B3GALT6: variants seen among roughly 807,000 people sequenced by gnomAD.
B3GALT6 encodes beta-1,3-galactosyltransferase 6.
Under a neutral mutation model 23.3 loss-of-function variants are expected in B3GALT6, and 27 were observed. That is an observed-to-expected ratio of 1.16 (90% CI 0.85 to 1.60). The LOEUF (loss-of-function observed/expected upper bound fraction) is 1.60. Ranked by LOEUF, B3GALT6 falls within the 40% of genes most tolerant of loss-of-function variation. The pLI, the probability that B3GALT6 is intolerant of heterozygous loss-of-function variation, is 0.00. For missense variants in B3GALT6, 554 were observed against 471.1 expected (o/e 1.18, Z -1.63); for synonymous variants, 313 against 232.3 (o/e 1.35, Z -3.16).
rs1240907076 is a variant in B3GALT6, at chr1:1,232,242, C to T, written c.-37C>T. On this transcript the variant is annotated 5_prime_UTR_variant, in exon 1 of 1. Transcript: ENST00000379198. ...CGAGCCGGCGGCGCCTGCGCACTCGCGAGTCCGGCCTGGGCCGCCGGCCCG... is the reference window on the plus strand; with the variant it reads ...CGAGCCGGCGGCGCCTGCGCACTCGTGAGTCCGGCCTGGGCCGCCGGCCCG... 3.2e-5 allele frequency: 31 copies of T among 980,616 alleles called. No homozygotes were observed. Among genetic ancestry groups the T allele is most frequent in the Non-Finnish European group, 3.6e-5 (30 of 828,126 alleles). The allele number at this position is 980,616 out of a possible 1,614,324, so 60.7% of individuals were successfully genotyped here. A position where few individuals can be genotyped will look rare whatever the true frequency, so the allele number is the denominator to read the frequency against.
chr1:1,232,581 G>A lies in B3GALT6; in HGVS notation c.303G>A (p.Leu101=). Reference sequence around the variant, plus strand: ...GCTTTGCCGTGGGCACGGCCGGCCTGGGCGCCGAGGAGCGGCGCGCCCTGG... The same window carrying A: ...GCTTTGCCGTGGGCACGGCCGGCCTAGGCGCCGAGGAGCGGCGCGCCCTGG... ...WARFAVGTAG[L]GAEERRALER... is the part of the protein sequence containing the mutation. Residue 101 remains leucine, a synonymous_variant, in exon 1 of 1, where the codon CTG becomes CTA. Transcript: ENST00000379198. 8.4e-7 allele frequency: 1 copy of A among 1,191,954 alleles called. No homozygotes were observed. Among genetic ancestry groups the A allele is most frequent in the Non-Finnish European group, 1.0e-6 (1 of 962,430 alleles). The allele number at this position is 1,191,954 out of a possible 1,614,324, so 73.8% of individuals were successfully genotyped here.
rs1570498417 is a variant in B3GALT6, at chr1:1,232,662, C to G, written c.384C>G (p.Ala128=). The G allele has an allele frequency of 1.5e-6, 2 of 1,329,974 alleles. No individual in the cohort carries two copies. The highest frequency in any genetic ancestry group is 1.9e-6 in the Non-Finnish European group (2 of 1,035,636). The allele number at this position is 1,329,974 out of a possible 1,614,324, so 82.4% of individuals were successfully genotyped here. A position where few individuals can be genotyped will look rare whatever the true frequency, so the allele number is the denominator to read the frequency against. The change falls in exon 1 of 1, where the codon GCC becomes GCG. Residue 128 remains alanine (A), a synonymous_variant. Coordinates refer to ENST00000379198, the MANE Select transcript of B3GALT6 (RefSeq NM_080605.4). ...TGCTGCTGCCCGCGCTGCGCGACGC[C>G]TACGAAAACCTCACGGCCAAGGTGC... ...DLLLLPALRD[A]YENLTAKVLA...
Position 1,232,974 on chromosome 1 carries a change from C to T in B3GALT6, c.696C>T (p.Arg232=). ...ADLVHYLRLS[R]DYLRAWHSED... ...TGGTGCACTACCTGCGCCTCAGCCG[C>T]GACTACCTGCGCGCCTGGCACAGCG... Residue 232 remains arginine, a synonymous_variant, in exon 1 of 1, where the codon CGC becomes CGT. Transcript: ENST00000379198. 1 of 1,562,774 alleles carries T rather than the reference C, an allele frequency of 6.4e-7. No homozygotes were observed. The highest frequency in any genetic ancestry group is 8.6e-7 in the Non-Finnish European group (1 of 1,161,970).
In B3GALT6 at chr1:1,233,535, A is replaced by C. The variant is rs1411607276; in HGVS notation, c.*267A>C. Reference sequence around the variant, plus strand: ...CCCCCGTGCTGTCCCCGACCGGCTCACGGGGCTGGGCTCCGATCTTCCGTG... The same window carrying C: ...CCCCCGTGCTGTCCCCGACCGGCTCCCGGGGCTGGGCTCCGATCTTCCGTG... On this transcript the variant is annotated 3_prime_UTR_variant, in exon 1 of 1. Transcript: ENST00000379198. 7.8e-6 allele frequency: 3 copies of C among 382,864 alleles called. No individual in the cohort carries two copies. Among genetic ancestry groups the C allele is most frequent in the Non-Finnish European group, 1.4e-5 (3 of 207,482 alleles). 23.7% of individuals were successfully genotyped at this position (382,864 alleles called of 1,614,324 possible).
Position 1,232,572 on chromosome 1 carries a change from G to C in B3GALT6, c.294G>C (p.Thr98=). 8.4e-7 allele frequency: 1 copy of C among 1,185,430 alleles called. No homozygotes were observed. The highest frequency in any genetic ancestry group is 1.0e-6 in the Non-Finnish European group (1 of 958,476). 73.4% of individuals were successfully genotyped at this position (1,185,430 alleles called of 1,614,324 possible). The change falls in exon 1 of 1, where the codon ACG becomes ACC. Residue 98 remains threonine (T), a synonymous_variant. Transcript: ENST00000379198. ...GDVWARFAVG[T]AGLGAEERRA... The stretch of plus-strand genomic sequence containing the variant: ...TGTGGGCGCGCTTTGCCGTGGGCAC[G>C]GCCGGCCTGGGCGCCGAGGAGCGGC...
Position 1,233,017 on chromosome 1 carries a change from G to T in B3GALT6, c.739G>T (p.Ala247Ser). ...GCACAGCGAGGACGTGTCTCTGGGC[G>T]CCTGGCTGGCGCCGGTGGACGTCCA... ...AWHSEDVSLG[A>S]WLAPVDVQRE... Residue 247 changes from alanine to serine, a missense_variant, in exon 1 of 1, where the codon GCC (alanine) becomes TCC (serine). By Grantham distance (99) the Ala-to-Ser change is moderately conservative. Coordinates refer to ENST00000379198, the MANE Select transcript of B3GALT6 (RefSeq NM_080605.4). 1.3e-6 allele frequency: 2 copies of T among 1,554,816 alleles called. No homozygotes were observed. The highest frequency in any genetic ancestry group is 8.6e-7 in the Non-Finnish European group (1 of 1,156,212).
Position 1,232,818 on chromosome 1 carries a change from C to G in B3GALT6, c.540C>G (p.Arg180=), listed in dbSNP as rs1344773066. ...CCCGCGAGCCCGCGCGCCGCCGCCG[C>G]CTCTACTGGGGCTTCTTCTCGGGCC... ...LRAREPARRR[R]LYWGFFSGRG... The change falls in exon 1 of 1, where the codon CGC becomes CGG. Residue 180 remains arginine, a synonymous_variant. Transcript: ENST00000379198. 7.2e-7 allele frequency: 1 copy of G among 1,380,048 alleles called. No homozygotes were observed. The highest frequency in any genetic ancestry group is 9.3e-7 in the Non-Finnish European group (1 of 1,076,408). The allele number at this position is 1,380,048 out of a possible 1,614,324, so 85.5% of individuals were successfully genotyped here.
Position 1,232,711 on chromosome 1 carries a change from G to A in B3GALT6, c.433G>A (p.Glu145Lys), listed in dbSNP as rs762038666. The A allele has an allele frequency of 1.4e-6, 2 of 1,427,166 alleles. No individual in the cohort carries two copies. Among genetic ancestry groups the A allele is most frequent in the Non-Finnish European group, 9.2e-7 (1 of 1,090,618 alleles). 88.4% of individuals were successfully genotyped at this position (1,427,166 alleles called of 1,614,324 possible). A position where few individuals can be genotyped will look rare whatever the true frequency, so the allele number is the denominator to read the frequency against. Residue 145 changes from glutamate to lysine, a missense_variant, in exon 1 of 1, where the codon GAG becomes AAG. Physicochemically the swap from Glu to Lys is moderately conservative, Grantham distance 56. Coordinates refer to ENST00000379198, the MANE Select transcript of B3GALT6 (RefSeq NM_080605.4). ...KVLAMLAWLDEHVAFEFVLKA... is the reference protein window; with the variant it reads ...KVLAMLAWLDKHVAFEFVLKA... ...GCTGGCCATGCTGGCCTGGCTGGAC[G>A]AGCACGTGGCCTTCGAGTTCGTGCT... is the stretch of plus-strand genomic sequence containing the variant.
Position 1,234,888 on chromosome 1 carries a change from G to C in B3GALT6, c.*1620G>C, listed in dbSNP as rs2100996691. ...GGCCTGCGTCGCCCAGTTCTTTGTG[G>C]CTCTGAAGAATTGGCCGCTGTGGAA... On this transcript the variant is annotated 3_prime_UTR_variant, in exon 1 of 1. Coordinates refer to ENST00000379198, the MANE Select transcript of B3GALT6 (RefSeq NM_080605.4). 6.0e-6 allele frequency: 1 copy of C among 167,002 alleles called. No homozygotes were observed. The highest frequency in any genetic ancestry group is 2.4e-5 in the African/African-American group (1 of 41,572). 10.3% of individuals were successfully genotyped at this position (167,002 alleles called of 1,614,324 possible). A position where few individuals can be genotyped will look rare whatever the true frequency, so the allele number is the denominator to read the frequency against.
At position 1,233,371 on chromosome 1, in the gene B3GALT6, G is replaced by A. The variant is rs2100995125; in HGVS notation, c.*103G>A. 2 of 1,321,830 alleles carry A rather than the reference G, an allele frequency of 1.5e-6. No individual in the cohort carries two copies. Among genetic ancestry groups the A allele is most frequent in the Non-Finnish European group, 9.8e-7 (1 of 1,024,404 alleles). The allele number at this position is 1,321,830 out of a possible 1,614,324, so 81.9% of individuals were successfully genotyped here. A position where few individuals can be genotyped will look rare whatever the true frequency, so the allele number is the denominator to read the frequency against. On this transcript the variant is annotated 3_prime_UTR_variant, in exon 1 of 1. Transcript: ENST00000379198. ...GCCCGGGCCCCAAGGCCCCCGTCCC[G>A]CAGCCACGCTTGTGGTCGCTGCGTC...
Position 1,232,917 on chromosome 1 carries a change from G to A in B3GALT6, c.639G>A (p.Ala213=). The change falls in exon 1 of 1, where the codon GCG becomes GCA. Residue 213 remains alanine, a synonymous_variant. Coordinates refer to ENST00000379198, the MANE Select transcript of B3GALT6 (RefSeq NM_080605.4). ...TCTGCGACTACTACCTGCCCTACGCGCTGGGCGGCGGCTACGTGCTCTCGG... is the reference window on the plus strand; with the variant it reads ...TCTGCGACTACTACCTGCCCTACGCACTGGGCGGCGGCTACGTGCTCTCGG... ...WQLCDYYLPY[A]LGGGYVLSAD... 6.4e-7 allele frequency: 1 copy of A among 1,566,306 alleles called. No homozygotes were observed. Among genetic ancestry groups the A allele is most frequent in the South Asian group, 1.2e-5 (1 of 86,776 alleles).
In B3GALT6 at chr1:1,232,577, G is replaced by T. The variant is rs1638542192; in HGVS notation, c.299G>T (p.Gly100Val). ...VWARFAVGTA[G>V]LGAEERRALE... ...GCGCGCTTTGCCGTGGGCACGGCCGGCCTGGGCGCCGAGGAGCGGCGCGCC... is the reference window on the plus strand; with the variant it reads ...GCGCGCTTTGCCGTGGGCACGGCCGTCCTGGGCGCCGAGGAGCGGCGCGCC... The change falls in exon 1 of 1, where the codon GGC (glycine) becomes GTC (valine). Residue 100 changes from glycine to valine, a missense_variant. Physicochemically the swap from Gly to Val is moderately radical, Grantham distance 109 (BLOSUM62 -3). Coordinates refer to ENST00000379198, the MANE Select transcript of B3GALT6 (RefSeq NM_080605.4). 2 of 1,188,986 alleles carry T rather than the reference G, an allele frequency of 1.7e-6. No individual in the cohort carries two copies. Among genetic ancestry groups the T allele is most frequent in the African/African-American group, 3.2e-5 (2 of 62,474 alleles). The allele number at this position is 1,188,986 out of a possible 1,614,324, so 73.7% of individuals were successfully genotyped here. A position where few individuals can be genotyped will look rare whatever the true frequency, so the allele number is the denominator to read the frequency against.
Position 1,233,359 on chromosome 1 carries a change from G to A in B3GALT6, c.*91G>A. 1 of 1,353,670 alleles carries A rather than the reference G, an allele frequency of 7.4e-7. No individual in the cohort carries two copies. Among genetic ancestry groups the A allele is most frequent in the Non-Finnish European group, 9.5e-7 (1 of 1,051,728 alleles). The allele number at this position is 1,353,670 out of a possible 1,614,324, so 83.9% of individuals were successfully genotyped here. A position where few individuals can be genotyped will look rare whatever the true frequency, so the allele number is the denominator to read the frequency against. ...CGGGCGCACTACGCCCGGGCCCCAA[G>A]GCCCCCGTCCCGCAGCCACGCTTGT... On this transcript the variant is annotated 3_prime_UTR_variant, in exon 1 of 1. Coordinates refer to ENST00000379198, the MANE Select transcript of B3GALT6 (RefSeq NM_080605.4).
rs1425972489 is a variant in B3GALT6, at chr1:1,234,098, G to A, written c.*830G>A. 6.0e-6 allele frequency: 1 copy of A among 166,854 alleles called. No individual in the cohort carries two copies. Among genetic ancestry groups the A allele is most frequent in the Non-Finnish European group, 1.5e-5 (1 of 68,122 alleles). 10.3% of individuals were successfully genotyped at this position (166,854 alleles called of 1,614,324 possible). On this transcript the variant is annotated 3_prime_UTR_variant, in exon 1 of 1. Transcript: ENST00000379198. ...CACGTACTTTAACACATCCTTGAAAGCCCCTCGTTTAATGAGAAAAGCGAA... is the reference window on the plus strand; with the variant it reads ...CACGTACTTTAACACATCCTTGAAAACCCCTCGTTTAATGAGAAAAGCGAA...
Position 1,234,976 on chromosome 1 carries a change from G to A in B3GALT6, c.*1708G>A, listed in dbSNP as rs1020324400. The A allele has an allele frequency of 6.0e-6, 1 of 166,826 alleles. No homozygotes were observed. The highest frequency in any genetic ancestry group is 2.4e-5 in the African/African-American group (1 of 41,432). The allele number at this position is 166,826 out of a possible 1,614,324, so 10.3% of individuals were successfully genotyped here. On this transcript the variant is annotated 3_prime_UTR_variant, in exon 1 of 1. Transcript: ENST00000379198. ...AAAAATCCAGTTTGCAACCACTTCT[G>A]ACCTACAAAAAAATGGAAATTTAGT...
chr1:1,232,475 C>T lies in B3GALT6; in HGVS notation c.197C>T (p.Ala66Val). 3 of 1,016,662 alleles carry T rather than the reference C, an allele frequency of 3.0e-6. No individual in the cohort carries two copies. Among genetic ancestry groups the T allele is most frequent in the African/African-American group, 1.7e-5 (1 of 57,346 alleles). The allele number at this position is 1,016,662 out of a possible 1,614,324, so 63.0% of individuals were successfully genotyped here. A position where few individuals can be genotyped will look rare whatever the true frequency, so the allele number is the denominator to read the frequency against. Residue 66 changes from alanine to valine, a missense_variant, in exon 1 of 1, where the codon GCG becomes GTG. Ala to Val is a moderately conservative substitution (Grantham distance 64, BLOSUM62 0). Transcript: ENST00000379198. ...TTCCTGGCAGTGCTGGTGGCCAGCG[C>T]GCCCCGCGCCGCCGAGCGCCGCAGC... ...AAFLAVLVAS[A>V]PRAAERRSVI... is the part of the protein sequence containing the mutation.
rs1187353835 is a variant in B3GALT6 at position 1,233,971 on chromosome 1, G to C, written c.*703G>C. 1 of 166,788 alleles carries C rather than the reference G, an allele frequency of 6.0e-6. No homozygotes were observed. The highest frequency in any genetic ancestry group is 1.5e-5 in the Non-Finnish European group (1 of 68,098). The allele number at this position is 166,788 out of a possible 1,614,324, so 10.3% of individuals were successfully genotyped here. On this transcript the variant is annotated 3_prime_UTR_variant, in exon 1 of 1. Transcript: ENST00000379198. ...ACAGGGCCGGTGCTGCTTTATTTCA[G>C]ACTCTGCCCCAGGTTCCAGGAATCC... is the stretch of plus-strand genomic sequence containing the variant.
Position 1,232,656 on chromosome 1 carries a change from C to T in B3GALT6, c.378C>T (p.Arg126=). 1.5e-6 allele frequency: 2 copies of T among 1,317,406 alleles called. No individual in the cohort carries two copies. Among genetic ancestry groups the T allele is most frequent in the African/African-American group, 1.5e-5 (1 of 65,466 alleles). The allele number at this position is 1,317,406 out of a possible 1,614,324, so 81.6% of individuals were successfully genotyped here. A position where few individuals can be genotyped will look rare whatever the true frequency, so the allele number is the denominator to read the frequency against. ...ACCTGCTGCTGCTGCCCGCGCTGCGCGACGCCTACGAAAACCTCACGGCCA... is the reference window on the plus strand; with the variant it reads ...ACCTGCTGCTGCTGCCCGCGCTGCGTGACGCCTACGAAAACCTCACGGCCA... ...HGDLLLLPAL[R]DAYENLTAKV... is the part of the protein sequence containing the mutation. Residue 126 remains arginine, a synonymous_variant, in exon 1 of 1, where the codon CGC becomes CGT. Transcript: ENST00000379198.
In B3GALT6 at chr1:1,234,733, G is replaced by A. The variant is rs1386169542; in HGVS notation, c.*1465G>A. On this transcript the variant is annotated 3_prime_UTR_variant, in exon 1 of 1. Transcript: ENST00000379198. ...GTCCCTGCCATCCGATTTTACCTGG[G>A]ATGTCTTCTCTGGAGTTTGGAATTG... 6.0e-6 allele frequency: 1 copy of A among 166,922 alleles called. No homozygotes were observed. The allele number at this position is 166,922 out of a possible 1,614,324, so 10.3% of individuals were successfully genotyped here.
Sources: allele counts gnomAD v4.1 joint callset, GRCh38; gene constraint gnomAD v4.1.1; transcripts MANE v1.5; gene names NCBI Gene and HGNC (gene_info 2026-07-23, HGNC 2026-07-21).